ZBTB38: variants seen among roughly 807,000 people sequenced by gnomAD.
ZBTB38 encodes zinc finger and BTB domain containing 38.
A neutral mutation model predicts 76.8 loss-of-function variants in ZBTB38; 20 were observed. The ratio of observed to expected loss-of-function variants is 0.26; its 90% CI spans 0.18 to 0.38. The LOEUF (loss-of-function observed/expected upper bound fraction) is 0.38, where lower values mean the gene tolerates loss of function less well. Among genes scored for constraint, ZBTB38 ranks in the 10% least tolerant of loss-of-function variants. ZBTB38 has a pLI of 1.00. For synonymous variants in ZBTB38, 504 were observed against 544.2 expected (o/e 0.93, Z 1.03); for missense variants, 1,082 against 1,482.3 (o/e 0.73, Z 4.43).
intron 4 of ZBTB38, among the ~76,000 whole-genome samples, chr3:141,396,760 A>G (rs1030644789): frequency 6.6e-6 from 1 of 152,264 alleles, no homozygotes; most frequent in Admixed American, 6.5e-5. Context: ...GTACATGTCC[A>G]TCACAGTTCT....
In ZBTB38 at chr3:141,447,986, GT is replaced by G; in HGVS notation, c.*2014del. ...TGTACACCCTACACTATTCATTTGG[GT>G]TTTATTAAAGAGATAGTCACAAAGG... On this transcript the variant is annotated 3_prime_UTR_variant, in exon 6 of 6. Transcript: ENST00000321464. 1.3e-5 allele frequency: 2 copies of G among 152,648 alleles called. No individual in the cohort carries two copies. Among genetic ancestry groups the G allele is most frequent in the Middle Eastern group, 6.8e-3 (2 of 294 alleles). The allele number at this position is 152,648 out of a possible 1,614,324, so 9.5% of individuals were successfully genotyped here.
intron 5 of ZBTB38, among the ~76,000 whole-genome samples, chr3:141,404,696 G>A (rs1953731709): frequency 1.3e-5 from 2 of 152,178 alleles, no homozygotes; most frequent in South Asian, 2.1e-4. Context: ...TACCCCTCAC[G>A]ATAGCCCTAT....
intron 4 of ZBTB38, among the ~76,000 whole-genome samples, chr3:141,391,284 G>C (rs188913394): frequency 2.4e-4 from 37 of 152,346 alleles, no homozygotes; most frequent in Middle Eastern, 3.4e-3. Flanking sequence ...AAGATCGTGT[G>C]CTGAGAAGGA....
intron 4 of ZBTB38, among the ~76,000 whole-genome samples, chr3:141,398,075 T>A (rs1950764973): frequency 6.6e-6 from 1 of 152,248 alleles, no homozygotes; most frequent in Admixed American, 6.5e-5. Flanking sequence ...ATTCTCCTTT[T>A]GATTTTTTCC....
At chr3:141,358,125 G>A (rs902420056) in intron 1 of ZBTB38, among the ~76,000 whole-genome samples, 12 of 152,320 alleles carry the variant, frequency 7.9e-5, no homozygotes, top group African/African-American at 2.9e-4. Flanking sequence ...TGGTCATATA[G>A]CCAATCAGCC....
intron 1 of ZBTB38, among the ~76,000 whole-genome samples, chr3:141,345,296 G>A (rs1184546615): frequency 6.6e-6 from 1 of 151,950 alleles, no homozygotes; most frequent in East Asian, 1.9e-4. Flanking sequence ...GCTTTGGGAG[G>A]GTTGGTAAAG....
At chr3:141,357,513 TG>T (rs1199593670) in intron 1 of ZBTB38, among the ~76,000 whole-genome samples, 1 of 152,198 alleles carries the variant, frequency 6.6e-6, no homozygotes, top group Admixed American at 6.5e-5. Context: ...TTTTTTGTTT[TG>T]TTTTGTTTGT....
intron 2 of ZBTB38, among the ~76,000 whole-genome samples, chr3:141,374,101 G>A (rs1407327271): frequency 6.6e-6 from 1 of 150,416 alleles, no homozygotes; most frequent in Non-Finnish European, 1.5e-5. Flanking sequence ...CTGTACTCCA[G>A]CCTAGGCAAC....
At chr3:141,345,294 AG>A (rs1223216796) in intron 1 of ZBTB38, among the ~76,000 whole-genome samples, 1 of 149,392 alleles carries the variant, frequency 6.7e-6, no homozygotes, top group East Asian at 2.0e-4. Context: ...TGGCTTTGGG[AG>A]GGTTGGTAAA....
At chr3:141,325,595 A>G (rs1942649064) in intron 1 of ZBTB38, among the ~76,000 whole-genome samples, 1 of 152,216 alleles carries the variant, frequency 6.6e-6, no homozygotes. Context: ...TTTGGGGAAA[A>G]TAAAATGTAA....
exon 1 of ZBTB38, chr3:141,324,337 A>G (rs1210079453): frequency 6.6e-6 from 1 of 151,988 alleles, no homozygotes; most frequent in Admixed American, 6.6e-5. Flanking sequence ...AAACATTCCC[A>G]CCCAGGGTTA....
intron 5 of ZBTB38, among the ~76,000 whole-genome samples, chr3:141,432,831 C>T (rs1436473232): frequency 6.6e-6 from 1 of 152,166 alleles, no homozygotes; most frequent in East Asian, 1.9e-4. Flanking sequence ...TTTTCAAATT[C>T]ATTCCCAGAA....
At chr3:141,374,960 G>A (rs1945156453) in intron 2 of ZBTB38, among the ~76,000 whole-genome samples, 1 of 152,156 alleles carries the variant, frequency 6.6e-6, no homozygotes, top group African/African-American at 2.4e-5. Flanking sequence ...AGTGGTATTG[G>A]AAGCTCTGAG....
chr3:141,401,735 T>TGAC, intron 4 of ZBTB38, among the ~76,000 whole-genome samples: 2 of 152,096 alleles, frequency 1.3e-5, no homozygotes, highest in Non-Finnish European at 1.5e-5. Context: ...GGCCAGCTTG[T>TGAC]GGCAGGCCCT....
chr3:141,337,270 C>T (rs1943042384), intron 1 of ZBTB38, among the ~76,000 whole-genome samples: 1 of 152,178 alleles, frequency 6.6e-6, no homozygotes, highest in Admixed American at 6.5e-5. Flanking sequence ...AAGGTCTTTC[C>T]ATGTCCAAAC....
chr3:141,392,063 A>C (rs1212478604), intron 4 of ZBTB38, among the ~76,000 whole-genome samples: 1 of 152,228 alleles, frequency 6.6e-6, no homozygotes, highest in East Asian at 1.9e-4. Context: ...AGAAACTATA[A>C]GGCTCTTTTG....
intron 4 of ZBTB38, chr3:141,392,823 G>C (rs1160751852): frequency 7.2e-6 from 1 of 139,346 alleles, no homozygotes; most frequent in Non-Finnish European, 1.6e-5. Flanking sequence ...GGTTGACAGT[G>C]GGGGGTCTCC....
chr3:141,366,453 C>G (rs1292245411), upstream of ZBTB38: 1 of 152,248 alleles, frequency 6.6e-6, no homozygotes, highest in East Asian at 1.9e-4. Flanking sequence ...AGCCCAAGAT[C>G]AGGCTGTGTG....
At chr3:141,359,847 C>G (rs1472773793) in intron 1 of ZBTB38, among the ~76,000 whole-genome samples, 1 of 152,124 alleles carries the variant, frequency 6.6e-6, no homozygotes, top group Non-Finnish European at 1.5e-5. Flanking sequence ...GGGAGGATTG[C>G]TTGAGCCCTG....
Sources: allele counts gnomAD v4.1 joint callset (sites outside exome capture counted in the v4.1 genomes callset), GRCh38; gene constraint gnomAD v4.1.1; transcripts MANE v1.5; gene names NCBI Gene and HGNC (gene_info 2026-07-23, HGNC 2026-07-21).